ICE1: variants seen among roughly 807,000 people sequenced by gnomAD.
ICE1 encodes little elongation complex subunit 1.
Under a neutral mutation model 192.7 loss-of-function variants are expected in ICE1, and 64 were observed. The observed-to-expected ratio is 0.33, with a 90% confidence interval of 0.27 to 0.41. The LOEUF is 0.41. Ranked by LOEUF, ICE1 falls within the 10% of genes least tolerant of loss-of-function variation. The pLI is 1.00. For synonymous variants in ICE1, 1,010 were observed against 984.5 expected (o/e 1.03, Z -0.49); for missense variants, 2,708 against 2,696.0 (o/e 1.00, Z -0.10).
intron 1 of ICE1, among the ~76,000 whole-genome samples, chr5:5,430,309 AT>A (rs1476147995): frequency 1.3e-5 from 2 of 152,226 alleles, no homozygotes; most frequent in Non-Finnish European, 2.9e-5. Flanking sequence ...GGAAAAAAAA[AT>A]GTTTTATCAG....
At chr5:5,451,726 G>A (rs1738423255) in intron 10 of ICE1, among the ~76,000 whole-genome samples, 1 of 152,088 alleles carries the variant, frequency 6.6e-6, no homozygotes, top group Non-Finnish European at 1.5e-5. Context: ...ATAATTTATA[G>A]GTGAGCTTTG....
At chr5:5,438,238 AC>A (rs200707434) in intron 3 of ICE1, among the ~76,000 whole-genome samples, 1 of 148,596 alleles carries the variant, frequency 6.7e-6, no homozygotes, top group Admixed American at 6.7e-5. Context: ...GGAGAACAGC[AC>A]TGGGGGACTG....
At chr5:5,456,791 C>A (rs1041456032) in intron 11 of ICE1, among the ~76,000 whole-genome samples, 1 of 152,088 alleles carries the variant, frequency 6.6e-6, no homozygotes, top group Admixed American at 6.6e-5. Flanking sequence ...AAATCAAGAC[C>A]AGGATTAGGT....
chr5:5,487,939 G>T (rs1019598753), intron 18 of ICE1, among the ~76,000 whole-genome samples: 2 of 152,220 alleles, frequency 1.3e-5, no homozygotes, highest in Non-Finnish European at 2.9e-5. Context: ...TCAGAGAGAA[G>T]AGTGATTTGC....
At chr5:5,431,039 G>A (rs1465521799) in intron 1 of ICE1, among the ~76,000 whole-genome samples, 1 of 152,108 alleles carries the variant, frequency 6.6e-6, no homozygotes, top group Non-Finnish European at 1.5e-5. Context: ...TCGAGGCAGG[G>A]GAGAGGTTAA....
chr5:5,473,753 G>A lies in ICE1; in HGVS notation c.6413+5G>A, dbSNP rs2306349. ...GACGCATGATAACATCATAAGGTTAGTTATTTTACTAATTTAAATAAAGAT... is the reference window on the plus strand; with the variant it reads ...GACGCATGATAACATCATAAGGTTAATTATTTTACTAATTTAAATAAAGAT... On this transcript the variant is annotated splice_donor_5th_base_variant and intron_variant, in intron 16 of 18. Transcript: ENST00000296564. 7.1e-6 allele frequency: 11 copies of A among 1,552,486 alleles called. No individual in the cohort carries two copies. The highest frequency in any genetic ancestry group is 2.1e-5 in the Admixed American group (1 of 46,576).
intron 12 of ICE1, among the ~76,000 whole-genome samples, chr5:5,459,381 T>C (rs188635157): frequency 6.6e-6 from 1 of 152,182 alleles, no homozygotes; most frequent in East Asian, 1.9e-4. Context: ...GTATAGAATG[T>C]TAGGTATGAG....
At chr5:5,455,428 C>T (rs1738556099) in intron 11 of ICE1, among the ~76,000 whole-genome samples, 1 of 152,186 alleles carries the variant, frequency 6.6e-6, no homozygotes, top group Non-Finnish European at 1.5e-5. Flanking sequence ...AATTAGTCAC[C>T]TCAGTTCATA....
At chr5:5,423,783 C>G (rs1404693796) in intron 1 of ICE1, among the ~76,000 whole-genome samples, 1 of 152,124 alleles carries the variant, frequency 6.6e-6, no homozygotes, top group African/African-American at 2.4e-5. Context: ...AGTGATAAAA[C>G]GGAACTCACC....
chr5:5,456,128 AGTT>A (rs1195920307), intron 11 of ICE1, among the ~76,000 whole-genome samples: 1 of 151,966 alleles, frequency 6.6e-6, no homozygotes, highest in Non-Finnish European at 1.5e-5. Flanking sequence ...TTGCTCAGGG[AGTT>A]GTTCTAGGGA....
Position 5,461,164 on chromosome 5 carries a change from A to G in ICE1, c.1830A>G (p.Ser610=). Residue 610 remains serine (S), a synonymous_variant, in exon 13 of 19, where the codon TCA becomes TCG. Coordinates refer to ENST00000296564, the MANE Select transcript of ICE1 (RefSeq NM_015325.3). Reference sequence around the variant, plus strand: ...TCACTTTAGGAGAATCACCTGAATCAGAAGATGATGACTCAGGTGATGGAA... The same window carrying G: ...TCACTTTAGGAGAATCACCTGAATCGGAAGATGATGACTCAGGTGATGGAA... ...QGFTLGESPE[S]EDDDSGDGMD... 1 of 1,614,040 alleles carries G rather than the reference A, an allele frequency of 6.2e-7. No individual in the cohort carries two copies. Among genetic ancestry groups the G allele is most frequent in the Non-Finnish European group, 8.5e-7 (1 of 1,179,884 alleles).
At chr5:5,466,576 T>C in intron 14 of ICE1, 74 bp downstream of exon 14, 1 of 1,214,572 alleles carries the variant, frequency 8.2e-7, no homozygotes, top group Non-Finnish European at 1.1e-6. Flanking sequence ...AGTCTATATT[T>C]TCAGCTCTGA....
At chr5:5,459,173 A>G (rs1327343566) in intron 12 of ICE1, among the ~76,000 whole-genome samples, 1 of 152,110 alleles carries the variant, frequency 6.6e-6, no homozygotes, top group South Asian at 2.1e-4. Context: ...GCGCCTGGCC[A>G]CAGCTCACTT....
At chr5:5,433,498 C>T (rs12653733) in intron 1 of ICE1, among the ~76,000 whole-genome samples, 49,686 of 151,824 alleles carry the variant, frequency 0.33, 8,433 homozygotes, top group Non-Finnish European at 0.36. Context: ...TTCCAGTTTC[C>T]GTTTGTCTTT....
chr5:5,476,145 T>G, intron 17 of ICE1, 66 bp downstream of exon 17: 1 of 826,632 alleles, frequency 1.2e-6, no homozygotes, highest in Non-Finnish European at 1.9e-6. Context: ...GCTGGGGGGT[T>G]AACTGTATAA....
intron 10 of ICE1, among the ~76,000 whole-genome samples, chr5:5,449,930 G>A (rs1045473880): frequency 3.3e-5 from 5 of 152,120 alleles, no homozygotes; most frequent in East Asian, 1.9e-4. Context: ...TCACAACTGC[G>A]TCCACTTTCC....
At chr5:5,470,294 C>T (rs575521428) in intron 15 of ICE1, among the ~76,000 whole-genome samples, 27 of 152,252 alleles carry the variant, frequency 1.8e-4, no homozygotes, top group African/African-American at 6.3e-4. Flanking sequence ...AGAGGGTTAC[C>T]CGCCTTCAGA....
chr5:5,466,457 G>C lies in ICE1; in HGVS notation c.6016G>C (p.Asp2006His). 6.2e-7 allele frequency: 1 copy of C among 1,612,866 alleles called. No individual in the cohort carries two copies. The highest frequency in any genetic ancestry group is 8.5e-7 in the Non-Finnish European group (1 of 1,179,584). The change falls in exon 14 of 19, where the codon GAC (aspartate) becomes CAC (histidine). Residue 2006 changes from aspartate (D) to histidine (H), a missense_variant. By Grantham distance (81) the Asp-to-His change is moderately conservative. Around this residue, in one of 2 missense-constraint regions of ICE1, gnomAD observed 342 missense variants for 419.3 expected, o/e 0.82. Transcript: ENST00000296564. ...VYVGICRQLG[D>H]LERARLFCYS... ...TGTGGGTATTTGTCGGCAACTCGGA[G>C]ACTTGGAAAGAGCTCGTTTGTTTTG...
chr5:5,446,093 T>C (rs2560298), intron 7 of ICE1, among the ~76,000 whole-genome samples: 68,762 of 151,738 alleles, frequency 0.45, 16,519 homozygotes, highest in East Asian at 0.64. Context: ...TCATAGCTCA[T>C]GGTAACTCTG....
Sources: allele counts gnomAD v4.1 joint callset (sites outside exome capture counted in the v4.1 genomes callset), GRCh38; gene constraint gnomAD v4.1.1; regional missense constraint gnomAD v4.1.1; transcripts MANE v1.5; gene names NCBI Gene and HGNC (gene_info 2026-07-23, HGNC 2026-07-21).